THAP6: variants seen among roughly 807,000 people sequenced by gnomAD.
The protein encoded by THAP6 is THAP domain containing 6.
A neutral mutation model predicts 20.0 loss-of-function variants in THAP6; 13 were observed. That is an observed-to-expected ratio of 0.65 (90% CI 0.42 to 1.03). The LOEUF (loss-of-function observed/expected upper bound fraction) is 1.03. Among genes scored for constraint, THAP6 ranks in the 50% least tolerant of loss-of-function variants. The probability of loss-of-function intolerance (pLI) is 0.00; values close to 1 mark genes in which losing one functional copy is unlikely to be tolerated. For missense variants in THAP6, 262 were observed against 261.6 expected (o/e 1.00, Z -0.01); for synonymous variants, 93 against 92.2 (o/e 1.01, Z -0.05).
At chr4:75,531,232 C>T (rs1485931917), downstream of THAP6, among the ~76,000 whole-genome samples, 1 of 152,184 alleles carries the variant, frequency 6.6e-6, no homozygotes, top group Non-Finnish European at 1.5e-5. Flanking sequence ...TAAAGGGGGG[C>T]TGTATGACCA....
At chr4:75,546,256 A>G (rs1249054129) in intron 3 of THAP6, among the ~76,000 whole-genome samples, 1 of 152,196 alleles carries the variant, frequency 6.6e-6, no homozygotes, top group East Asian at 1.9e-4. Context: ...ATTCTCCCCA[A>G]AATCCCGATG....
intron 3 of THAP6, among the ~76,000 whole-genome samples, chr4:75,543,436 CCT>C (rs1039904299): frequency 1.3e-4 from 20 of 152,186 alleles, no homozygotes; most frequent in African/African-American, 4.6e-4. Context: ...TATCAAGCAG[CCT>C]CTCCCTTCAT....
At chr4:75,540,543 C>T (rs1726974819) in intron 2 of THAP6, among the ~76,000 whole-genome samples, 1 of 152,174 alleles carries the variant, frequency 6.6e-6, no homozygotes, top group Non-Finnish European at 1.5e-5. Flanking sequence ...CCTTGTGGTA[C>T]AGCTTGTGCA....
At chr4:75,536,389 G>A (rs909908375) in intron 2 of THAP6, among the ~76,000 whole-genome samples, 3 of 152,120 alleles carry the variant, frequency 2.0e-5, no homozygotes, top group Admixed American at 6.5e-5. Flanking sequence ...GCTTGAACCT[G>A]GGAGGTGGAG....
intron 2 of THAP6, among the ~76,000 whole-genome samples, chr4:75,536,301 C>T (rs1726850438): frequency 6.6e-6 from 1 of 152,130 alleles, no homozygotes; most frequent in Admixed American, 6.5e-5. Context: ...CCCATCTCCA[C>T]TAAAAATACA....
At chr4:75,516,669 CTAGT>C (rs755078776) in intron 2 of THAP6, 99 bp from the exon 3 acceptor site, 15 of 879,178 alleles carry the variant, frequency 1.7e-5, no homozygotes, top group Admixed American at 2.8e-5. Flanking sequence ...GACTAATAAA[CTAGT>C]TAACGAATCA....
intron 2 of THAP6, among the ~76,000 whole-genome samples, chr4:75,538,644 A>T (rs888497236): frequency 6.6e-6 from 1 of 152,132 alleles, no homozygotes; most frequent in African/African-American, 2.4e-5. Context: ...TACCCTCTTC[A>T]TAGGTCTCAT....
Position 75,521,856 on chromosome 4 carries a change from A to G in THAP6, c.409A>G (p.Ile137Val). The G allele has an allele frequency of 1.2e-6, 2 of 1,613,410 alleles. No individual in the cohort carries two copies. The highest frequency in any genetic ancestry group is 1.7e-6 in the Non-Finnish European group (2 of 1,179,574). The change falls in exon 4 of 5, where the codon ATT becomes GTT. Residue 137 changes from isoleucine to valine, a missense_variant. Transcript: ENST00000311638. Reference protein sequence around the residue: ...SCIEEFQSQFIFEHSYSVMDS... With the variant: ...SCIEEFQSQFVFEHSYSVMDS... The stretch of plus-strand genomic sequence containing the variant: ...TATTGAAGAATTCCAATCCCAGTTC[A>G]TTTTTGTAAGTAAATTACTTGCTGA...
intron 3 of THAP6, among the ~76,000 whole-genome samples, chr4:75,545,852 C>T (rs995161781): frequency 1.3e-5 from 2 of 152,198 alleles, no homozygotes; most frequent in African/African-American, 4.8e-5. Flanking sequence ...CTGAGCAGAA[C>T]TTGAATGATA....
rs1454574658 is a variant in THAP6 at position 75,521,911 on chromosome 4, G to A, written c.414+50G>A. ...ATGTTAATTCTTTTAAGATGAATAT[G>A]TCCTCTCCATTACAATCAAATTTTT... On this transcript the variant is annotated intron_variant, in intron 4 of 4. Coordinates refer to ENST00000311638, the MANE Select transcript of THAP6 (RefSeq NM_144721.6). 3.1e-6 allele frequency: 5 copies of A among 1,608,270 alleles called. No homozygotes were observed. In the South Asian group the frequency reaches 5.5e-5, roughly 18 times the overall value.
At chr4:75,514,899 A>G (rs1725438428) in intron 1 of THAP6, 1 of 157,558 alleles carries the variant, frequency 6.3e-6, no homozygotes. Context: ...GACAAAAAGT[A>G]AGGAAAAATA....
chr4:75,517,783 G>A (rs555407836), intron 3 of THAP6: 94 of 152,342 alleles, frequency 6.2e-4, no homozygotes, highest in Middle Eastern at 3.4e-3. Context: ...ATAAGTAAAC[G>A]CTAATTGAAT....
chr4:75,516,735 A>G, intron 2 of THAP6, 37 bp from the exon 3 acceptor site: 1 of 1,567,388 alleles, frequency 6.4e-7, no homozygotes, highest in Non-Finnish European at 8.7e-7. Context: ...TAGCAATAGT[A>G]TTTGATTTTA....
chr4:75,530,706 G>C (rs1726654280), downstream of THAP6, among the ~76,000 whole-genome samples: 1 of 152,148 alleles, frequency 6.6e-6, no homozygotes. Context: ...AGCTGTTTCT[G>C]ATCCTTTAAT....
chr4:75,529,017 C>A lies in THAP6; in HGVS notation c.*1803C>A. Reference sequence around the variant, plus strand: ...GCAGTGAGCCAAGATCACGCCGTTGCACTCCAGCCTGAGCAACAGAGCAAG... The same window carrying A: ...GCAGTGAGCCAAGATCACGCCGTTGAACTCCAGCCTGAGCAACAGAGCAAG... On this transcript the variant is annotated 3_prime_UTR_variant, in exon 5 of 5. Coordinates refer to ENST00000311638, the MANE Select transcript of THAP6 (RefSeq NM_144721.6). 1 of 692,608 alleles carries A rather than the reference C, an allele frequency of 1.4e-6. No individual in the cohort carries two copies. The highest frequency in any genetic ancestry group is 1.8e-6 in the Non-Finnish European group (1 of 562,984). The allele number at this position is 692,608 out of a possible 1,614,324, so 42.9% of individuals were successfully genotyped here.
chr4:75,519,871 A>G (rs1725914561), intron 3 of THAP6, among the ~76,000 whole-genome samples: 1 of 151,688 alleles, frequency 6.6e-6, no homozygotes. Context: ...GTCAAATGGT[A>G]TTTCTAGTTC....
intron 3 of THAP6, chr4:75,517,224 G>T: frequency 2.8e-6 from 1 of 359,170 alleles, no homozygotes; most frequent in East Asian, 5.1e-5. Flanking sequence ...CACCATCTTG[G>T]CCAGGCTGGT....
At position 75,528,517 on chromosome 4, in the gene THAP6, G is replaced by T. The variant is rs1726516275; in HGVS notation, c.*1303G>T. The T allele has an allele frequency of 3.0e-6, 3 of 984,526 alleles. No individual in the cohort carries two copies. Among genetic ancestry groups the T allele is most frequent in the Non-Finnish European group, 3.6e-6 (3 of 829,280 alleles). The allele number at this position is 984,526 out of a possible 1,614,324, so 61.0% of individuals were successfully genotyped here. On this transcript the variant is annotated 3_prime_UTR_variant, in exon 5 of 5. Coordinates refer to ENST00000311638, the MANE Select transcript of THAP6 (RefSeq NM_144721.6). ...TAACAAAAATTGAATTGCATTTTGT[G>T]CTCAGTTGTTTATTGTAATTTTATT...
chr4:75,540,954 A>G (rs1241876148), intron 2 of THAP6, among the ~76,000 whole-genome samples: 2 of 152,198 alleles, frequency 1.3e-5, no homozygotes, highest in East Asian at 3.8e-4. Flanking sequence ...TCAAGTTTCT[A>G]TGGCCATCAC....
Sources: gnomAD v4.1 joint callset for allele counts (sites outside exome capture counted in the v4.1 genomes callset) on GRCh38, gnomAD v4.1.1 for gene constraint, MANE v1.5 for transcripts, NCBI Gene and HGNC (gene_info 2026-07-23, HGNC 2026-07-21) for gene names.